The following COL5A2 variants were observed in gnomAD, a reference collection of about 807,000 sequenced individuals.
COL5A2 encodes collagen alpha-2(V) chain.
Under a neutral mutation model 208.2 loss-of-function variants are expected in COL5A2, and 23 were observed. That is an observed-to-expected ratio of 0.11 (90% confidence interval 0.08 to 0.16). The LOEUF (loss-of-function observed/expected upper bound fraction) is 0.16. Among genes scored for constraint, COL5A2 ranks in the 10% least tolerant of loss-of-function variants. The pLI is 1.00. For synonymous variants in COL5A2, 625 were observed against 628.5 expected (o/e 0.99, Z 0.08); for missense variants, 1,590 against 1,956.4 (o/e 0.81, Z 3.53).
At chr2:189,042,613 G>A (rs1685584362) in intron 49 of COL5A2, 107 bp downstream of exon 49, 1 of 1,052,742 alleles carries the variant, frequency 9.5e-7, no homozygotes, top group Non-Finnish European at 1.4e-6. Context: ...CAGAGAAGAT[G>A]AGCCAACTCC....
chr2:189,435,827 G>T, the COL5A2 span, among the ~76,000 whole-genome samples: 355 of 152,290 alleles, frequency 2.3e-3, 1 homozygote, highest in Non-Finnish European at 4.0e-3. Flanking sequence ...CCATTACTGG[G>T]TATATACCCA....
At chr2:189,093,567 A>T (rs1025457518) in intron 6 of COL5A2, among the ~76,000 whole-genome samples, 1 of 152,162 alleles carries the variant, frequency 6.6e-6, no homozygotes, top group African/African-American at 2.4e-5. Context: ...ATTTTAATAT[A>T]TTTAAACATT....
the COL5A2 span, among the ~76,000 whole-genome samples, chr2:189,354,810 G>T: frequency 7.9e-5 from 12 of 151,854 alleles, no homozygotes; most frequent in Admixed American, 5.9e-4. Flanking sequence ...GTTATTTCTT[G>T]TCTTCTGCTA....
chr2:189,171,310 G>T lies in COL5A2; in HGVS notation c.97+8198C>A, dbSNP rs114735565. ...GGACCCAATGAAAGTTGTTAAGGAA[G>T]GTAAATACAAAATTAGATAGTTTTA... On this transcript the variant is annotated intron_variant, in intron 1 of 53. Transcript: ENST00000374866. 2.7e-3 allele frequency among the ~76,000 whole-genome samples: 414 copies of T among 152,178 alleles called. 3 individuals are homozygous for T. Among genetic ancestry groups the T allele is most frequent in the African/African-American group, 9.3e-3 (387 of 41,496 alleles).
At chr2:189,144,817 T>C (rs955277314) in intron 1 of COL5A2, among the ~76,000 whole-genome samples, 1 of 152,096 alleles carries the variant, frequency 6.6e-6, no homozygotes, top group Non-Finnish European at 1.5e-5. Flanking sequence ...AGATGAAGAA[T>C]TCTCCATTTG....
the COL5A2 span, among the ~76,000 whole-genome samples, chr2:189,385,709 A>C: frequency 6.6e-6 from 1 of 152,166 alleles, no homozygotes; most frequent in Admixed American, 6.6e-5. Context: ...GAGGCATCAC[A>C]TTACCTGACT....
the COL5A2 span, among the ~76,000 whole-genome samples, chr2:189,238,483 A>G: frequency 1.3e-5 from 2 of 152,268 alleles, no homozygotes; most frequent in South Asian, 4.1e-4. Context: ...AAAATACAAT[A>G]TATTAGTCTG....
intron 41 of COL5A2, 64 bp downstream of exon 41, chr2:189,052,108 C>G: frequency 7.6e-7 from 1 of 1,316,338 alleles, no homozygotes; most frequent in South Asian, 1.3e-5. Flanking sequence ...AAATTTAACT[C>G]AAATGTATAC....
intron 1 of COL5A2, among the ~76,000 whole-genome samples, chr2:189,175,223 G>C (rs567575072): frequency 1.6e-4 from 25 of 152,210 alleles, no homozygotes; most frequent in African/African-American, 5.8e-4. Flanking sequence ...AGTTTTGTGT[G>C]ACCATATGAC....
the COL5A2 span, among the ~76,000 whole-genome samples, chr2:189,319,196 T>A: frequency 6.6e-6 from 1 of 152,362 alleles, no homozygotes; most frequent in African/African-American, 2.4e-5. Context: ...GACTGCAAGA[T>A]GGCCGAATAG....
chr2:189,199,917 CCT>C (rs1689050506), intron 1 of COL5A2, among the ~76,000 whole-genome samples: 3 of 152,254 alleles, frequency 2.0e-5, no homozygotes, highest in African/African-American at 7.2e-5. Flanking sequence ...ACACTCTTGT[CCT>C]CTGGCTTTTT....
chr2:189,048,600 CT>C (rs1685719447), intron 44 of COL5A2, among the ~76,000 whole-genome samples: 1 of 152,112 alleles, frequency 6.6e-6, no homozygotes, highest in African/African-American at 2.4e-5. Flanking sequence ...ACATTTACTT[CT>C]TAAGATTATT....
intron 1 of COL5A2, among the ~76,000 whole-genome samples, chr2:189,155,367 TGGGA>T (rs5837129): frequency 1 from 152,062 of 152,226 alleles, 75,949 homozygotes; most frequent in Non-Finnish European, 1. Flanking sequence ...TTTGCTCCTT[TGGGA>T]GGCCTTTCAC....
At chr2:189,305,937 A>G in the COL5A2 span, among the ~76,000 whole-genome samples, 1 of 152,136 alleles carries the variant, frequency 6.6e-6, no homozygotes, top group Non-Finnish European at 1.5e-5. Context: ...GGGATTTCTC[A>G]GAATAGTGGA....
chr2:189,403,999 G>A, the COL5A2 span, among the ~76,000 whole-genome samples: 1 of 152,130 alleles, frequency 6.6e-6, no homozygotes, highest in Non-Finnish European at 1.5e-5. Flanking sequence ...CCAAAGTGCT[G>A]GGATTACAGG....
intron 1 of COL5A2, among the ~76,000 whole-genome samples, chr2:189,178,651 C>T (rs940518598): frequency 7.0e-6 from 1 of 143,804 alleles, no homozygotes; most frequent in East Asian, 2.1e-4. Context: ...TATAACCCAA[C>T]TGTAACATAT....
At chr2:189,127,350 A>T (rs1687626976) in intron 1 of COL5A2, among the ~76,000 whole-genome samples, 2 of 151,994 alleles carry the variant, frequency 1.3e-5, no homozygotes, top group African/African-American at 4.8e-5. Flanking sequence ...ACCCAAATCA[A>T]AAGAATGAGA....
chr2:189,097,481 A>G, intron 5 of COL5A2, 151 bp from the exon 6 acceptor site: 1 of 813,240 alleles, frequency 1.2e-6, no homozygotes, highest in South Asian at 1.5e-5. Flanking sequence ...CCATGTGCAT[A>G]TAAAAGTTCT....
At chr2:189,057,716 A>G (rs1685932598) in intron 33 of COL5A2, among the ~76,000 whole-genome samples, 1 of 152,212 alleles carries the variant, frequency 6.6e-6, no homozygotes, top group Non-Finnish European at 1.5e-5. Context: ...TCTGTTGGCA[A>G]CATAATGGAA....
Sources: gnomAD v4.1 joint callset for allele counts (sites outside exome capture counted in the v4.1 genomes callset) on GRCh38, gnomAD v4.1.1 for gene constraint, MANE v1.5 for transcripts, NCBI Gene and HGNC (gene_info 2026-07-23, HGNC 2026-07-21) for gene names.